CMC1: variants seen among roughly 807,000 people sequenced by gnomAD.
CMC1 encodes C-X9-C motif containing 1, also known as COX assembly mitochondrial protein homolog.
A neutral mutation model predicts 14.1 loss-of-function variants in CMC1; 14 were observed. That is an observed-to-expected ratio of 0.99 (90% CI 0.66 to 1.55). The LOEUF (loss-of-function observed/expected upper bound fraction) is 1.55, where lower values mean the gene tolerates loss of function less well. CMC1 is among the 40% of genes most tolerant of loss of function. CMC1 has a pLI of 0.00. For missense variants in CMC1, 127 were observed against 123.8 expected, an observed-to-expected ratio of 1.03 and a Z score of -0.12; for synonymous variants, 50 against 38.4, an observed-to-expected ratio of 1.30 and a Z score of -1.12.
chr3:28,274,212 G>GTTT lies in CMC1; in HGVS notation c.109+10837_109+10839dup, dbSNP rs376321066. Among the ~76,000 whole-genome samples, 139 of 88,138 alleles carry GTTT rather than the reference G, an allele frequency of 1.6e-3. 8 individuals are homozygous for GTTT. The highest frequency in any genetic ancestry group is 2.1e-3 in the Non-Finnish European group (96 of 46,358). 57.8% of individuals were successfully genotyped at this position (88,138 alleles called of 152,430 possible). A position where few individuals can be genotyped will look rare whatever the true frequency, so the allele number is the denominator to read the frequency against. On this transcript the variant is annotated intron_variant, in intron 2 of 3. Transcript: ENST00000466830. ...TTGGTCTTTGTACTAAAGTGTTTTT[G>GTTT]TTTTTTTCTTTTTTTTTTTTTTTGC...
rs1291122284 is a variant in CMC1 at position 28,241,650 on chromosome 3, C to A, written c.-144C>A. ...GGAAGGAAGAGGGAACGGGTCCTGG[C>A]GGTGCTTTGCAAAGGGCCCGTGTTT... On this transcript the variant is annotated 5_prime_UTR_variant, in exon 1 of 4. Coordinates refer to ENST00000466830, the MANE Select transcript of CMC1 (RefSeq NM_182523.2). 2.4e-6 allele frequency: 3 copies of A among 1,232,728 alleles called. No homozygotes were observed. The highest frequency in any genetic ancestry group is 1.6e-5 in the African/African-American group (1 of 64,362). 76.4% of individuals were successfully genotyped at this position (1,232,728 alleles called of 1,614,324 possible).
At chr3:28,312,406 C>T (rs1338566889) in intron 2 of CMC1, among the ~76,000 whole-genome samples, 1 of 152,122 alleles carries the variant, frequency 6.6e-6, no homozygotes, top group Admixed American at 6.6e-5. Flanking sequence ...ATTGTCATCT[C>T]AGTGAATGCT....
chr3:28,260,023 T>A (rs890164808), intron 1 of CMC1, among the ~76,000 whole-genome samples: 1 of 152,178 alleles, frequency 6.6e-6, no homozygotes, highest in Admixed American at 6.5e-5. Flanking sequence ...TTGTTTTTTA[T>A]GAATGCATGT....
intron 2 of CMC1, among the ~76,000 whole-genome samples, chr3:28,284,274 T>G (rs930732560): frequency 4.6e-5 from 7 of 152,196 alleles, no homozygotes; most frequent in Non-Finnish European, 8.8e-5. Context: ...TTCTTTTGTG[T>G]TATCTTTTTC....
intron 2 of CMC1, among the ~76,000 whole-genome samples, chr3:28,306,320 A>T (rs1226629197): frequency 6.6e-6 from 1 of 152,084 alleles, no homozygotes; most frequent in Non-Finnish European, 1.5e-5. Context: ...ATCCATGAGC[A>T]TGGGTTGTTT....
intron 1 of CMC1, among the ~76,000 whole-genome samples, chr3:28,260,346 A>G (rs1699670530): frequency 6.6e-6 from 1 of 151,924 alleles, no homozygotes; most frequent in Non-Finnish European, 1.5e-5. Flanking sequence ...TGCCTTCTTG[A>G]GTGAGCTTTG....
intron 1 of CMC1, among the ~76,000 whole-genome samples, chr3:28,246,640 C>A (rs755325554): frequency 5.3e-5 from 8 of 152,040 alleles, no homozygotes; most frequent in African/African-American, 1.7e-4. Flanking sequence ...ATCTGTCTCT[C>A]GTAGGTGATG....
intron 2 of CMC1, among the ~76,000 whole-genome samples, chr3:28,272,254 G>C (rs148720029): frequency 1.3e-5 from 2 of 152,164 alleles, no homozygotes; most frequent in African/African-American, 4.8e-5. Context: ...TTCCAATACT[G>C]TGTTGAAAAG....
At chr3:28,266,165 A>G (rs918869978) in intron 2 of CMC1, among the ~76,000 whole-genome samples, 7 of 152,202 alleles carry the variant, frequency 4.6e-5, no homozygotes, top group Admixed American at 2.0e-4. Flanking sequence ...CTTAATGTAC[A>G]CTGAATTAGT....
rs1703270655 is a variant in CMC1 at position 28,323,771 on chromosome 3, G to A, written c.*4142G>A. 3.9e-6 allele frequency: 1 copy of A among 257,366 alleles called. No homozygotes were observed. Among genetic ancestry groups the A allele is most frequent in the South Asian group, 1.6e-4 (1 of 6,360 alleles). The allele number at this position is 257,366 out of a possible 1,614,324, so 15.9% of individuals were successfully genotyped here. A position where few individuals can be genotyped will look rare whatever the true frequency, so the allele number is the denominator to read the frequency against. Reference sequence around the variant, plus strand: ...GCAAAATTTTACAATTAATATAGAAGGCAGAGTTTTTTAAACACCTTAAGT... The same window carrying A: ...GCAAAATTTTACAATTAATATAGAAAGCAGAGTTTTTTAAACACCTTAAGT... On this transcript the variant is annotated 3_prime_UTR_variant, in exon 4 of 4. Coordinates refer to ENST00000466830, the MANE Select transcript of CMC1 (RefSeq NM_182523.2).
chr3:28,242,752 T>C (rs567531734), intron 1 of CMC1, among the ~76,000 whole-genome samples: 10 of 152,264 alleles, frequency 6.6e-5, no homozygotes, highest in African/African-American at 2.4e-4. Flanking sequence ...CAGGTAGTGG[T>C]AGATCAGGGA....
chr3:28,268,192 G>T (rs1468468981), intron 2 of CMC1, among the ~76,000 whole-genome samples: 2 of 152,144 alleles, frequency 1.3e-5, no homozygotes, highest in Non-Finnish European at 2.9e-5. Flanking sequence ...CCATTGGATT[G>T]GTTGATTCAC....
chr3:28,301,118 C>G (rs954682333), intron 2 of CMC1, among the ~76,000 whole-genome samples: 2 of 152,030 alleles, frequency 1.3e-5, no homozygotes, highest in African/African-American at 2.4e-5. Flanking sequence ...CACCAAAAGC[C>G]ACATTCATAT....
intron 1 of CMC1, among the ~76,000 whole-genome samples, chr3:28,246,714 A>G (rs748558717): frequency 5.3e-5 from 8 of 151,578 alleles, no homozygotes; most frequent in Non-Finnish European, 1.0e-4. Flanking sequence ...CTGTTTTGCA[A>G]TTAGTAACTA....
At chr3:28,259,854 CAT>C (rs138641106) in intron 1 of CMC1, among the ~76,000 whole-genome samples, 30,748 of 151,428 alleles carry the variant, frequency 0.2, 3,379 homozygotes, top group Middle Eastern at 0.29. Context: ...TACGTGTACT[CAT>C]ATGTGTGTGT....
Position 28,319,697 on chromosome 3 carries a change from G to T in CMC1, c.*68G>T. On this transcript the variant is annotated 3_prime_UTR_variant, in exon 4 of 4. Transcript: ENST00000466830. ...AGTCATTTTATAGTCCTTAAATAAT[G>T]GACTCAAGCATATATGTTTGCTTTA... is the stretch of plus-strand genomic sequence containing the variant. 1 of 1,277,014 alleles carries T rather than the reference G, an allele frequency of 7.8e-7. No homozygotes were observed. The highest frequency in any genetic ancestry group is 1.1e-6 in the Non-Finnish European group (1 of 922,408). The allele number at this position is 1,277,014 out of a possible 1,614,324, so 79.1% of individuals were successfully genotyped here.
chr3:28,312,378 A>C (rs539797631), intron 2 of CMC1, among the ~76,000 whole-genome samples: 1 of 152,172 alleles, frequency 6.6e-6, no homozygotes, highest in African/African-American at 2.4e-5. Context: ...TATTTCTTTT[A>C]ATTTGATGTG....
intron 2 of CMC1, among the ~76,000 whole-genome samples, chr3:28,265,487 A>T (rs1420855268): frequency 6.6e-6 from 1 of 152,146 alleles, no homozygotes; most frequent in Non-Finnish European, 1.5e-5. Flanking sequence ...TAATTATAGG[A>T]TTTTATATAA....
intron 2 of CMC1, among the ~76,000 whole-genome samples, chr3:28,274,266 T>C (rs1406554877): frequency 6.7e-6 from 1 of 148,824 alleles, no homozygotes; most frequent in African/African-American, 2.5e-5. Flanking sequence ...TTCCTTTCCA[T>C]ATTTAGTGCT....
Sources: allele counts gnomAD v4.1 joint callset (sites outside exome capture counted in the v4.1 genomes callset), GRCh38; gene constraint gnomAD v4.1.1; transcripts MANE v1.5; gene names NCBI Gene and HGNC (gene_info 2026-07-23, HGNC 2026-07-21).